TMEM51: variants seen among roughly 807,000 people sequenced by gnomAD.
TMEM51 encodes the protein transmembrane protein 51.
A neutral mutation model predicts 13.6 loss-of-function variants in TMEM51; 8 were observed. The observed-to-expected ratio is 0.59, with a 90% CI of 0.35 to 1.07. The LOEUF (loss-of-function observed/expected upper bound fraction) is 1.07. Ranked by LOEUF, TMEM51 falls within the 50% of genes least tolerant of loss-of-function variation. The probability of loss-of-function intolerance (pLI) is 0.02; values close to 1 mark genes in which losing one functional copy is unlikely to be tolerated. For missense variants in TMEM51, 279 were observed against 330.7 expected (o/e 0.84, Z 1.21); for synonymous variants, 147 against 144.4 (o/e 1.02, Z -0.13).
At chr1:15,193,219 A>G (rs1219720919) in intron 1 of TMEM51, among the ~76,000 whole-genome samples, 1 of 152,116 alleles carries the variant, frequency 6.6e-6, no homozygotes, top group Non-Finnish European at 1.5e-5. Context: ...CCATGGAGGT[A>G]CCTCTCCTAG....
chr1:15,163,134 A>G (rs1337882727), intron 1 of TMEM51, among the ~76,000 whole-genome samples: 1 of 152,018 alleles, frequency 6.6e-6, no homozygotes, highest in Non-Finnish European at 1.5e-5. Flanking sequence ...GTGTTCTTCC[A>G]GGCTTTGGGG....
At chr1:15,182,210 G>A (rs1035860626) in intron 1 of TMEM51, among the ~76,000 whole-genome samples, 1 of 150,874 alleles carries the variant, frequency 6.6e-6, no homozygotes, top group Non-Finnish European at 1.5e-5. Context: ...ATAAATAACT[G>A]CACTAGGCTG....
intron 1 of TMEM51, among the ~76,000 whole-genome samples, chr1:15,178,631 C>T (rs576602490): frequency 6.6e-6 from 1 of 152,184 alleles, no homozygotes; most frequent in Non-Finnish European, 1.5e-5. Flanking sequence ...ACTCCAGTAT[C>T]GTGAGTTAGT....
intron 1 of TMEM51, among the ~76,000 whole-genome samples, chr1:15,183,030 T>G (rs1320446607): frequency 2.0e-5 from 3 of 152,224 alleles, no homozygotes; most frequent in Non-Finnish European, 4.4e-5. Context: ...TCCAAAGTAC[T>G]AGGATAACAG....
At chr1:15,179,450 G>C (rs1472538960) in intron 1 of TMEM51, among the ~76,000 whole-genome samples, 1 of 152,192 alleles carries the variant, frequency 6.6e-6, no homozygotes, top group Non-Finnish European at 1.5e-5. Context: ...GGTGAGCAAA[G>C]GAAGGCAAAC....
chr1:15,195,530 C>T (rs1371648269), intron 1 of TMEM51, among the ~76,000 whole-genome samples: 1 of 152,018 alleles, frequency 6.6e-6, no homozygotes, highest in East Asian at 1.9e-4. Context: ...AGTCCCCCAC[C>T]CTCGTTCATC....
chr1:15,172,230 C>A (rs1643302150), intron 1 of TMEM51, among the ~76,000 whole-genome samples: 1 of 151,356 alleles, frequency 6.6e-6, no homozygotes, highest in Non-Finnish European at 1.5e-5. Flanking sequence ...GAAAAAATAC[C>A]AAAATTAGTG....
chr1:15,200,567 G>A (rs950853480), intron 1 of TMEM51, among the ~76,000 whole-genome samples: 1 of 151,972 alleles, frequency 6.6e-6, no homozygotes, highest in African/African-American at 2.4e-5. Context: ...CCTTGATCTT[G>A]GACTTCCAGC....
chr1:15,154,320 C>A (rs1642511992), intron 1 of TMEM51, among the ~76,000 whole-genome samples: 1 of 152,240 alleles, frequency 6.6e-6, no homozygotes, highest in Admixed American at 6.5e-5. Flanking sequence ...AGCAGAACTT[C>A]CCAGTAGGTC....
chr1:15,191,226 AG>A (rs1451727250), intron 1 of TMEM51, among the ~76,000 whole-genome samples: 5 of 152,246 alleles, frequency 3.3e-5, no homozygotes, highest in Non-Finnish European at 7.3e-5. Flanking sequence ...GGCCTCTAGA[AG>A]CTGGAAGAGG....
At chr1:15,164,587 G>C (rs1642918187) in intron 1 of TMEM51, 1 of 412,068 alleles carries the variant, frequency 2.4e-6, no homozygotes, top group South Asian at 1.8e-5. Flanking sequence ...TTTCTCCACT[G>C]TAAAGTTACT....
At chr1:15,197,297 G>A (rs1486510481) in intron 1 of TMEM51, among the ~76,000 whole-genome samples, 1 of 152,160 alleles carries the variant, frequency 6.6e-6, no homozygotes, top group African/African-American at 2.4e-5. Flanking sequence ...GACTGAGAAT[G>A]GGGAGGGCCC....
At chr1:15,198,509 C>A (rs191608192) in intron 1 of TMEM51, among the ~76,000 whole-genome samples, 2 of 151,874 alleles carry the variant, frequency 1.3e-5, no homozygotes, top group African/African-American at 2.4e-5. Context: ...CTCTGCCTCC[C>A]GGGTTCAAGT....
chr1:15,202,389 C>T (rs1027740035), intron 1 of TMEM51, among the ~76,000 whole-genome samples: 7 of 152,184 alleles, frequency 4.6e-5, no homozygotes, highest in African/African-American at 1.7e-4. Flanking sequence ...ACAAATTACC[C>T]CAAACTTCAT....
At chr1:15,155,205 C>T (rs1251786044) in intron 1 of TMEM51, among the ~76,000 whole-genome samples, 1 of 152,110 alleles carries the variant, frequency 6.6e-6, no homozygotes, top group Non-Finnish European at 1.5e-5. Flanking sequence ...GGTGAACCTG[C>T]TCCTCACGGC....
chr1:15,171,851 GC>G (rs1643287935), intron 1 of TMEM51, among the ~76,000 whole-genome samples: 1 of 152,096 alleles, frequency 6.6e-6, no homozygotes, highest in Admixed American at 6.5e-5. Flanking sequence ...GCTCTGCTGG[GC>G]GTTCCCTGAC....
At chr1:15,163,825 T>A (rs949337132) in intron 1 of TMEM51, among the ~76,000 whole-genome samples, 16 of 125,690 alleles carry the variant, frequency 1.3e-4, no homozygotes, top group African/African-American at 5.2e-4. Flanking sequence ...GTTGGCTTTT[T>A]TTGGGGGGGG....
intron 1 of TMEM51, among the ~76,000 whole-genome samples, chr1:15,189,235 T>C (rs1415746796): frequency 1.4e-5 from 2 of 147,774 alleles, no homozygotes; most frequent in African/African-American, 2.5e-5. Flanking sequence ...TTTTTTTTTT[T>C]AGTAGAGACA....
chr1:15,214,815 C>CAAG (rs2100356976), intron 2 of TMEM51, 80 bp from the exon 3 acceptor site: 2 of 457,030 alleles, frequency 4.4e-6, no homozygotes, highest in South Asian at 6.1e-5. Context: ...CTAACTCCTT[C>CAAG]AAGAGCAGAG....
Sources: allele counts gnomAD v4.1 joint callset (sites outside exome capture counted in the v4.1 genomes callset), GRCh38; gene constraint gnomAD v4.1.1; transcripts MANE v1.5; gene names NCBI Gene and HGNC (gene_info 2026-07-23, HGNC 2026-07-21).